The following CREBRF variants were observed in gnomAD, a reference collection of about 807,000 sequenced individuals.
CREBRF encodes UPF0474 protein C5orf41.
Under a neutral mutation model 66.1 loss-of-function variants are expected in CREBRF, and 5 were observed. The observed-to-expected ratio is 0.08, with a 90% confidence interval of 0.04 to 0.16. CREBRF has a LOEUF of 0.16. CREBRF is among the 10% of genes least tolerant of loss of function. The probability of loss-of-function intolerance (pLI) is 1.00; values close to 1 mark genes in which losing one functional copy is unlikely to be tolerated. For missense variants in CREBRF, 531 were observed against 744.9 expected (o/e 0.71, Z 3.34); for synonymous variants, 229 against 264.4 (o/e 0.87, Z 1.30).
At chr5:173,076,728 C>T (rs1403503693) in intron 1 of CREBRF, among the ~76,000 whole-genome samples, 1 of 146,076 alleles carries the variant, frequency 6.8e-6, no homozygotes, top group Non-Finnish European at 1.5e-5. Context: ...TGCATTCCAG[C>T]CTGGGGGACA....
chr5:173,137,346 A>G lies in CREBRF; in HGVS notation c.*3601A>G, dbSNP rs752094134. The G allele has an allele frequency of 6.6e-6, 1 of 152,004 alleles. No individual in the cohort carries two copies. Among genetic ancestry groups the G allele is most frequent in the East Asian group, 1.9e-4 (1 of 5,202 alleles). The allele number at this position is 152,004 out of a possible 1,614,324, so 9.4% of individuals were successfully genotyped here. A position where few individuals can be genotyped will look rare whatever the true frequency, so the allele number is the denominator to read the frequency against. ...GTATGGTTTCAAATTCCCTCTCTTT[A>G]TAGTTATTTTATATTTGTATGAAAG... On this transcript the variant is annotated 3_prime_UTR_variant, in exon 9 of 9. Transcript: ENST00000296953.
chr5:173,074,301 C>A (rs1196146541), intron 1 of CREBRF, among the ~76,000 whole-genome samples: 502 of 125,996 alleles, frequency 4.0e-3, no homozygotes, highest in African/African-American at 4.8e-3. Flanking sequence ...AAGTCTGTCT[C>A]AAAAAAAAAA....
Position 173,137,467 on chromosome 5 carries a change from T to A in CREBRF, c.*3722T>A, listed in dbSNP as rs1055891785. 1 of 152,102 alleles carries A rather than the reference T, an allele frequency of 6.6e-6. No homozygotes were observed. Among genetic ancestry groups the A allele is most frequent in the Non-Finnish European group, 1.5e-5 (1 of 67,954 alleles). 9.4% of individuals were successfully genotyped at this position (152,102 alleles called of 1,614,324 possible). On this transcript the variant is annotated 3_prime_UTR_variant, in exon 9 of 9. Transcript: ENST00000296953. ...GACTTTCATGCATTTCTCATACATC[T>A]TCTTTCTGATGCTTGACTTTATTTG...
rs1451547525 is a variant in CREBRF at position 173,135,628 on chromosome 5, A to C, written c.*1883A>C. 1 of 152,244 alleles carries C rather than the reference A, an allele frequency of 6.6e-6. No individual in the cohort carries two copies. Among genetic ancestry groups the C allele is most frequent in the Non-Finnish European group, 1.5e-5 (1 of 67,954 alleles). The allele number at this position is 152,244 out of a possible 1,614,324, so 9.4% of individuals were successfully genotyped here. A position where few individuals can be genotyped will look rare whatever the true frequency, so the allele number is the denominator to read the frequency against. On this transcript the variant is annotated 3_prime_UTR_variant, in exon 9 of 9. Transcript: ENST00000296953. ...TACCCACTGTAGGATTTCTTTTTTA[A>C]TTATACTTTGACTATAAAGTGTCAA... is the stretch of plus-strand genomic sequence containing the variant.
intron 5 of CREBRF, chr5:173,109,413 C>T (rs1169227897): frequency 6.6e-6 from 1 of 152,156 alleles, no homozygotes; most frequent in East Asian, 1.9e-4. Context: ...GAGTTAGAGT[C>T]TGCAGTGAAT....
rs1001938462 is a variant in CREBRF, at chr5:173,138,223, C to T, written c.*4478C>T. The T allele has an allele frequency of 6.6e-6, 1 of 152,030 alleles. No individual in the cohort carries two copies. Among genetic ancestry groups the T allele is most frequent in the African/African-American group, 2.4e-5 (1 of 41,386 alleles). 9.4% of individuals were successfully genotyped at this position (152,030 alleles called of 1,614,324 possible). On this transcript the variant is annotated 3_prime_UTR_variant, in exon 9 of 9. Transcript: ENST00000296953. ...TAAGGGCATTATGAGAAGACGACTC[C>T]ATGTTTTTTTAATACTTCAAACACA... is the stretch of plus-strand genomic sequence containing the variant.
intron 4 of CREBRF, chr5:173,091,692 TGAG>T (rs1487663484): frequency 1.8e-6 from 2 of 1,084,064 alleles, no homozygotes; most frequent in Admixed American, 4.8e-5. Flanking sequence ...TGTGCCCAGC[TGAG>T]GACTTATTCT....
chr5:173,128,494 G>T (rs1443228906), intron 8 of CREBRF, among the ~76,000 whole-genome samples: 1 of 151,294 alleles, frequency 6.6e-6, no homozygotes, highest in African/African-American at 2.4e-5. Flanking sequence ...ACTCTGTGTA[G>T]AACTGAGAAA....
intron 1 of CREBRF, 67 bp from the exon 2 acceptor site, chr5:173,080,518 C>CTT: frequency 3.9e-6 from 2 of 511,550 alleles, no homozygotes; most frequent in African/African-American, 1.9e-5. Flanking sequence ...CAAAAGTCAA[C>CTT]TTTTTTTTTG....
At chr5:173,076,766 A>AAAAG (rs1001073430) in intron 1 of CREBRF, among the ~76,000 whole-genome samples, 3 of 151,532 alleles carry the variant, frequency 2.0e-5, no homozygotes, top group African/African-American at 4.8e-5. Context: ...AAAAAAAAAA[A>AAAAG]AAGAGAGTGT....
intron 1 of CREBRF, among the ~76,000 whole-genome samples, chr5:173,076,358 T>G (rs1757764581): frequency 6.6e-6 from 1 of 152,230 alleles, no homozygotes. Flanking sequence ...GAGGGGACAT[T>G]CAAACCGTAG....
At chr5:173,119,426 T>C (rs924464675) in intron 7 of CREBRF, among the ~76,000 whole-genome samples, 2 of 152,190 alleles carry the variant, frequency 1.3e-5, no homozygotes, top group African/African-American at 4.8e-5. Context: ...TTTTATGTTT[T>C]TTAGTGCTTC....
At chr5:173,119,332 G>A (rs1226746932) in intron 7 of CREBRF, among the ~76,000 whole-genome samples, 3 of 152,124 alleles carry the variant, frequency 2.0e-5, no homozygotes, top group Non-Finnish European at 2.9e-5. Context: ...ACCTAGCTAA[G>A]TCTTCTTTAG....
chr5:173,098,714 G>A (rs1019011810), intron 4 of CREBRF, among the ~76,000 whole-genome samples: 2 of 151,792 alleles, frequency 1.3e-5, no homozygotes, highest in South Asian at 2.1e-4. Context: ...CTATATTACC[G>A]TCTGTTTTTT....
chr5:173,130,177 T>C (rs1310477094), intron 8 of CREBRF, among the ~76,000 whole-genome samples: 1 of 152,122 alleles, frequency 6.6e-6, no homozygotes, highest in East Asian at 1.9e-4. Flanking sequence ...ATTCTGGAGG[T>C]TGTACTTTAA....
intron 2 of CREBRF, 112 bp downstream of exon 2, chr5:173,080,896 A>G (rs1757920805): frequency 9.9e-7 from 1 of 1,005,974 alleles, no homozygotes. Context: ...TTTTTGTGAT[A>G]TCTCATTTCT....
At chr5:173,120,284 T>G (rs1461727900) in intron 7 of CREBRF, among the ~76,000 whole-genome samples, 1 of 152,166 alleles carries the variant, frequency 6.6e-6, no homozygotes, top group Non-Finnish European at 1.5e-5. Context: ...CTGGGTTCTT[T>G]TTTTGGGGAA....
At chr5:173,105,663 G>A (rs769477477) in intron 4 of CREBRF, among the ~76,000 whole-genome samples, 70 of 147,572 alleles carry the variant, frequency 4.7e-4, no homozygotes, top group Non-Finnish European at 8.1e-4. Context: ...AGATGGTTTC[G>A]CCATGTTGGA....
At chr5:173,110,396 T>A in intron 5 of CREBRF, 126 bp from the exon 6 acceptor site, 2 of 758,350 alleles carry the variant, frequency 2.6e-6, no homozygotes, top group Non-Finnish European at 4.8e-6. Flanking sequence ...CTAAGACTTC[T>A]GAAACATGCC....
Sources: gnomAD v4.1 joint callset for allele counts (sites outside exome capture counted in the v4.1 genomes callset) on GRCh38, gnomAD v4.1.1 for gene constraint, MANE v1.5 for transcripts, NCBI Gene and HGNC (gene_info 2026-07-23, HGNC 2026-07-21) for gene names.